The following KSR2 variants were observed in gnomAD, a reference collection of about 807,000 sequenced individuals.
The protein encoded by KSR2 is kinase suppressor of ras 2.
KSR2 carries 25 observed loss-of-function variants against 107.8 expected under a neutral mutation model. The observed-to-expected ratio is 0.23, with a 90% CI of 0.17 to 0.32. The LOEUF (loss-of-function observed/expected upper bound fraction) is 0.32. Among genes scored for constraint, KSR2 ranks in the 10% least tolerant of loss-of-function variants. The pLI is 1.00. For missense variants in KSR2, 887 were observed against 1,268.9 expected, an observed-to-expected ratio of 0.70 and a Z score of 4.57; for synonymous variants, 480 against 507.0, an observed-to-expected ratio of 0.95 and a Z score of 0.71.
chr12:117,923,062 G>A lies in KSR2; in HGVS notation c.180+45014C>T, dbSNP rs543777907. On this transcript the variant is annotated intron_variant, in intron 1 of 19. Coordinates refer to ENST00000339824, the MANE Select transcript of KSR2 (RefSeq NM_173598.6). The stretch of plus-strand genomic sequence containing the variant: ...TGACTTCACTATTTAGAATGCCCCC[G>A]GTTAGTGATAAAGTGCTACCTAGTG... Among the ~76,000 whole-genome samples, 29 of 152,150 alleles carry A rather than the reference G, an allele frequency of 1.9e-4. No homozygotes were observed. The South Asian group carries it at 3.5e-3, about 19-fold the overall frequency.
intron 1 of KSR2, among the ~76,000 whole-genome samples, chr12:117,952,874 A>G (rs1200256631): frequency 2.0e-5 from 3 of 151,442 alleles, no homozygotes; most frequent in Non-Finnish European, 2.9e-5. Flanking sequence ...GATTCCAGCT[A>G]CTTAGGAGGC....
At chr12:117,952,517 A>G (rs1768042964) in intron 1 of KSR2, among the ~76,000 whole-genome samples, 1 of 151,728 alleles carries the variant, frequency 6.6e-6, no homozygotes, top group Non-Finnish European at 1.5e-5. Flanking sequence ...TATTTTTACA[A>G]ACACAAAAAT....
rs764021316 is a variant in KSR2 at position 117,968,145 on chromosome 12, G to T, written c.111C>A (p.Asn37Lys). The T allele has an allele frequency of 1.9e-6, 3 of 1,611,556 alleles. No individual in the cohort carries two copies. The highest frequency in any genetic ancestry group is 2.5e-6 in the Non-Finnish European group (3 of 1,179,586). Residue 37 changes from asparagine to lysine, a missense_variant, in exon 1 of 20, where the codon AAC (asparagine) becomes AAA (lysine). Asn to Lys is a moderately conservative substitution (Grantham distance 94, BLOSUM62 0). Coordinates refer to ENST00000339824, the MANE Select transcript of KSR2 (RefSeq NM_173598.6). ...VQNMIDLSIS[N>K]LEGLRTKCAT... The stretch of plus-strand genomic sequence containing the variant: ...CACATTTGGTCCTAAGCCCTTCCAG[G>T]TTGGAGATGCTCAAGTCTATCATGT...
chr12:117,631,651 G>A (rs1020088431), intron 5 of KSR2, among the ~76,000 whole-genome samples: 1 of 151,924 alleles, frequency 6.6e-6, no homozygotes, highest in Non-Finnish European at 1.5e-5. Flanking sequence ...TCCTTTTCAA[G>A]CATACCAAGA....
intron 5 of KSR2, among the ~76,000 whole-genome samples, chr12:117,595,179 A>G (rs1185453574): frequency 6.6e-6 from 1 of 152,166 alleles, no homozygotes; most frequent in Non-Finnish European, 1.5e-5. Flanking sequence ...TTAGCTAGAC[A>G]TCACCTTGTA....
At chr12:117,763,318 CTT>C (rs202019181) in intron 3 of KSR2, among the ~76,000 whole-genome samples, 9,660 of 134,672 alleles carry the variant, frequency 0.072, 500 homozygotes, top group South Asian at 0.23. Flanking sequence ...GGTTCCAAGT[CTT>C]TGCTATTAAA....
chr12:117,558,617 G>A, intron 7 of KSR2, 44 bp from the exon 8 acceptor site: 2 of 1,491,354 alleles, frequency 1.3e-6, no homozygotes, highest in Non-Finnish European at 1.9e-6. Context: ...GTGAATGGCT[G>A]AGTGAGCGGG....
At chr12:117,943,865 G>A (rs142812333) in intron 1 of KSR2, among the ~76,000 whole-genome samples, 266 of 152,276 alleles carry the variant, frequency 1.7e-3, no homozygotes, top group African/African-American at 6.2e-3. Flanking sequence ...TAGTGAATAA[G>A]TCTCACAAGA....
At chr12:117,743,046 T>C (rs1006139078) in intron 4 of KSR2, among the ~76,000 whole-genome samples, 3 of 152,246 alleles carry the variant, frequency 2.0e-5, no homozygotes, top group East Asian at 1.9e-4. Context: ...CCATCACAGA[T>C]GACCACCCAG....
In KSR2 at chr12:117,473,648, A is replaced by G. The variant is rs1871612191; in HGVS notation, c.2583-2328T>C. On this transcript the variant is annotated intron_variant, in intron 17 of 19. Transcript: ENST00000339824. ...GAAACGGGGAAGGGTGTTTTGAGTT[A>G]TTCCCTGTGCTGGGTACCTTACAAA... Among the ~76,000 whole-genome samples the G allele has an allele frequency of 2.0e-5, 3 of 152,312 alleles. No individual in the cohort carries two copies. The South Asian group carries it at 6.2e-4, about 32-fold the overall frequency.
intron 4 of KSR2, among the ~76,000 whole-genome samples, chr12:117,669,435 C>T (rs751245146): frequency 2.6e-5 from 4 of 152,094 alleles, no homozygotes; most frequent in Non-Finnish European, 5.9e-5. Context: ...CAGAGCTACT[C>T]GTCCACATGA....
intron 14 of KSR2, among the ~76,000 whole-genome samples, chr12:117,492,685 A>G (rs76766217): frequency 0.025 from 3,752 of 152,336 alleles, 155 homozygotes; most frequent in African/African-American, 0.086. Context: ...CTCTTGAGAT[A>G]GACAGATTAT....
At chr12:117,489,835 G>A (rs966055680) in intron 14 of KSR2, among the ~76,000 whole-genome samples, 1 of 152,150 alleles carries the variant, frequency 6.6e-6, no homozygotes, top group Non-Finnish European at 1.5e-5. Flanking sequence ...AGATGTCCAG[G>A]ATGACTGAGG....
At position 117,939,484 on chromosome 12, in the gene KSR2, G is replaced by A. The variant is rs142649139; in HGVS notation, c.180+28592C>T. On this transcript the variant is annotated intron_variant, in intron 1 of 19. Transcript: ENST00000339824. ...TCCCAGCACTTTGGGAGGCCGAGGC[G>A]GGTGGATCATGTGGTCAGGAGTTCA... Among the ~76,000 whole-genome samples the A allele has an allele frequency of 6.3e-3, 960 of 152,232 alleles. 12 individuals carry two copies. The highest frequency in any genetic ancestry group is 0.01 in the Middle Eastern group (3 of 294).
intron 14 of KSR2, among the ~76,000 whole-genome samples, chr12:117,491,415 G>A (rs530471396): frequency 3.9e-5 from 6 of 152,118 alleles, no homozygotes; most frequent in Admixed American, 2.0e-4. Context: ...CCTGACCTCA[G>A]GTGATGCCCC....
At chr12:117,473,312 A>G (rs12309604) in intron 17 of KSR2, among the ~76,000 whole-genome samples, 3,352 of 152,246 alleles carry the variant, frequency 0.022, 114 homozygotes, top group African/African-American at 0.076. Context: ...AACAAAACCT[A>G]CATTTTAAAA....
At chr12:117,747,025 G>A (rs747583870) in intron 4 of KSR2, among the ~76,000 whole-genome samples, 7 of 152,116 alleles carry the variant, frequency 4.6e-5, no homozygotes, top group Admixed American at 6.5e-5. Context: ...ACAGTATGGC[G>A]ATTCCTCAAG....
chr12:117,493,563 C>A (rs1476083372), intron 14 of KSR2, among the ~76,000 whole-genome samples: 2 of 152,164 alleles, frequency 1.3e-5, no homozygotes, highest in African/African-American at 4.8e-5. Flanking sequence ...TCACTCCCCC[C>A]AATAGGTCCC....
chr12:117,851,524 A>G (rs1159450437), intron 3 of KSR2, among the ~76,000 whole-genome samples: 1 of 152,168 alleles, frequency 6.6e-6, no homozygotes, highest in African/African-American at 2.4e-5. Flanking sequence ...TCGAGGCTGC[A>G]GTGAGCTGTG....
Sources: gnomAD v4.1 joint callset for allele counts (sites outside exome capture counted in the v4.1 genomes callset) on GRCh38, gnomAD v4.1.1 for gene constraint, MANE v1.5 for transcripts, NCBI Gene and HGNC (gene_info 2026-07-23, HGNC 2026-07-21) for gene names.